CIMAP3: variants seen among roughly 807,000 people sequenced by gnomAD.
CIMAP3 encodes the protein ciliary microtubule associated protein 3, also known as ciliary microtubule-associated protein 3.
chr1:111,351,302 C>T, the CIMAP3 span: 2 of 1,579,564 alleles, frequency 1.3e-6, no homozygotes, highest in East Asian at 2.2e-5. Flanking sequence ...AACCGTGTGG[C>T]CTACCTAAGC....
At chr1:111,334,487 T>G in the CIMAP3 span, among the ~76,000 whole-genome samples, 1 of 152,134 alleles carries the variant, frequency 6.6e-6, no homozygotes, top group South Asian at 2.1e-4. Flanking sequence ...AAGACACAGA[T>G]GTACATTCAC....
chr1:111,349,970 T>C, the CIMAP3 span: 1 of 642,900 alleles, frequency 1.6e-6, no homozygotes, highest in Non-Finnish European at 2.8e-6. Flanking sequence ...AGGAATCCCA[T>C]GCTTAATTAA....
At chr1:111,327,154 C>G in the CIMAP3 span, among the ~76,000 whole-genome samples, 1 of 152,114 alleles carries the variant, frequency 6.6e-6, no homozygotes, top group African/African-American at 2.4e-5. Context: ...GCCATAAAGT[C>G]TTTGCCTAGA....
chr1:111,348,605 G>T, the CIMAP3 span: 3 of 1,612,644 alleles, frequency 1.9e-6, no homozygotes, highest in Non-Finnish European at 2.5e-6. Context: ...ATGTCTTGGT[G>T]CCTCGATTTA....
At chr1:111,351,140 G>A in the CIMAP3 span, 1 of 851,790 alleles carries the variant, frequency 1.2e-6, no homozygotes. Context: ...TTACTATGGA[G>A]TTGGGATTCA....
At chr1:111,339,128 G>C in the CIMAP3 span, among the ~76,000 whole-genome samples, 1 of 151,876 alleles carries the variant, frequency 6.6e-6, no homozygotes, top group South Asian at 2.1e-4. Flanking sequence ...AATAGATGCA[G>C]AAAAGGCCTT....
chr1:111,336,754 C>G, the CIMAP3 span, among the ~76,000 whole-genome samples: 6 of 152,156 alleles, frequency 3.9e-5, no homozygotes, highest in Non-Finnish European at 7.3e-5. Context: ...GAGAATGGAA[C>G]CAAGTTGGAA....
the CIMAP3 span, among the ~76,000 whole-genome samples, chr1:111,330,751 A>G: frequency 6.6e-6 from 1 of 152,162 alleles, no homozygotes; most frequent in Non-Finnish European, 1.5e-5. Context: ...GGTTGTGGCC[A>G]AGGGTTACTT....
At chr1:111,330,754 G>A in the CIMAP3 span, among the ~76,000 whole-genome samples, 1 of 152,144 alleles carries the variant, frequency 6.6e-6, no homozygotes, top group African/African-American at 2.4e-5. Context: ...TGTGGCCAAG[G>A]GTTACTTGCT....
At chr1:111,343,435 G>C in the CIMAP3 span, among the ~76,000 whole-genome samples, 1 of 152,098 alleles carries the variant, frequency 6.6e-6, no homozygotes, top group Non-Finnish European at 1.5e-5. Context: ...TAAACATCTG[G>C]CATCCTCTTG....
the CIMAP3 span, among the ~76,000 whole-genome samples, chr1:111,333,841 G>C: frequency 1.3e-5 from 2 of 152,218 alleles, no homozygotes; most frequent in East Asian, 1.9e-4. Context: ...TAAATGTCAG[G>C]CATCTGCAAT....
chr1:111,352,974 A>G, the CIMAP3 span: 2 of 152,266 alleles, frequency 1.3e-5, no homozygotes, highest in African/African-American at 2.4e-5. Context: ...TTTAAATGCT[A>G]CATTGTATAT....
the CIMAP3 span, chr1:111,346,637 G>A: frequency 6.2e-7 from 1 of 1,614,204 alleles, no homozygotes; most frequent in Non-Finnish European, 8.5e-7. Flanking sequence ...ACAAGTGCTA[G>A]CCCTAGCAGC....
At chr1:111,336,510 G>A in the CIMAP3 span, among the ~76,000 whole-genome samples, 1 of 152,224 alleles carries the variant, frequency 6.6e-6, no homozygotes. Flanking sequence ...TAAAGGAGCT[G>A]ATGGAGCTGA....
At chr1:111,341,362 A>C in the CIMAP3 span, among the ~76,000 whole-genome samples, 1 of 144,348 alleles carries the variant, frequency 6.9e-6, no homozygotes, top group African/African-American at 2.8e-5. Context: ...GTATAATAAT[A>C]AAAAAAAAAT....
the CIMAP3 span, among the ~76,000 whole-genome samples, chr1:111,339,206 A>T: frequency 6.6e-6 from 1 of 151,674 alleles, no homozygotes; most frequent in African/African-American, 2.4e-5. Flanking sequence ...GACGTATCTC[A>T]AAATAATAAG....
At chr1:111,333,706 T>C in the CIMAP3 span, among the ~76,000 whole-genome samples, 1 of 152,204 alleles carries the variant, frequency 6.6e-6, no homozygotes. Context: ...CCTCCTGGAC[T>C]TCCCATGACC....
At chr1:111,351,691 T>C in the CIMAP3 span, 1 of 170,758 alleles carries the variant, frequency 5.9e-6, no homozygotes, top group Non-Finnish European at 1.2e-5. Context: ...AGCCTATACA[T>C]GTCAAGGGTT....
chr1:111,339,097 C>CAA, the CIMAP3 span, among the ~76,000 whole-genome samples: 14 of 151,870 alleles, frequency 9.2e-5, no homozygotes, highest in Non-Finnish European at 1.9e-4. Context: ...GAACCAAAGA[C>CAA]AAAAACCACA....
Sources: gnomAD v4.1 joint callset for allele counts (sites outside exome capture counted in the v4.1 genomes callset) on GRCh38, gnomAD v4.1.1 for gene constraint, MANE v1.5 for transcripts, NCBI Gene and HGNC (gene_info 2026-07-23, HGNC 2026-07-21) for gene names.